The following MACROD1 variants were observed in gnomAD, a reference collection of about 807,000 sequenced individuals.
MACROD1 encodes the protein ADP-ribose glycohydrolase MACROD1.
A neutral mutation model predicts 41.4 loss-of-function variants in MACROD1; 31 were observed. The ratio of observed to expected loss-of-function variants is 0.75; its 90% CI spans 0.56 to 1.01. The LOEUF is 1.01. Among genes scored for constraint, MACROD1 ranks in the 50% least tolerant of loss-of-function variants. MACROD1 has a pLI of 0.00. For synonymous variants in MACROD1, 252 were observed against 203.4 expected (o/e 1.24, Z -2.03); for missense variants, 473 against 460.0 (o/e 1.03, Z -0.26).
intron 3 of MACROD1, chr11:64,117,485 G>A (rs757219781): frequency 6.2e-7 from 1 of 1,612,326 alleles, no homozygotes. Context: ...CCACGCCCCA[G>A]GGTTCCCTGT....
chr11:64,128,721 G>C (rs1255622049), intron 3 of MACROD1, among the ~76,000 whole-genome samples: 4 of 151,844 alleles, frequency 2.6e-5, no homozygotes. Flanking sequence ...TCAGGTCTAT[G>C]CTGCACTGGT....
chr11:64,166,094 CAGCCAGCGGCGACCTGCTCGG>C (rs1472198359), exon 1 of MACROD1: 7 of 1,204,938 alleles, frequency 5.8e-6, no homozygotes, highest in Non-Finnish European at 7.3e-6. Flanking sequence ...TGGCGACTGC[CAGCCAGCGGCGACCTGCTCGG>C]AGCCAGCGGG....
intron 3 of MACROD1, among the ~76,000 whole-genome samples, chr11:64,039,420 C>CGG (rs1009945775): frequency 2.0e-5 from 3 of 152,088 alleles, no homozygotes; most frequent in African/African-American, 7.2e-5. Flanking sequence ...CGGGTGGTAG[C>CGG]GGGGGGTCCC....
intron 3 of MACROD1, among the ~76,000 whole-genome samples, chr11:64,099,473 GATGA>G (rs1486922261): frequency 6.6e-6 from 1 of 152,314 alleles, no homozygotes; most frequent in East Asian, 1.9e-4. Flanking sequence ...GAGAGAAATG[GATGA>G]ATGGAGAGAC....
At chr11:64,003,618 C>T (rs990571059) in intron 4 of MACROD1, among the ~76,000 whole-genome samples, 8 of 152,166 alleles carry the variant, frequency 5.3e-5, no homozygotes, top group Admixed American at 2.0e-4. Flanking sequence ...TAAGCACCTG[C>T]GTGGTGATTT....
At chr11:64,113,447 T>TGGAC (rs1277175878) in intron 3 of MACROD1, among the ~76,000 whole-genome samples, 5 of 145,842 alleles carry the variant, frequency 3.4e-5, no homozygotes, top group Non-Finnish European at 7.7e-5. Flanking sequence ...GATGGATGGA[T>TGGAC]GGACAGGTGG....
chr11:64,130,296 G>A (rs1945246997), intron 3 of MACROD1, among the ~76,000 whole-genome samples: 1 of 152,174 alleles, frequency 6.6e-6, no homozygotes, highest in Non-Finnish European at 1.5e-5. Context: ...CGTCTGTTTT[G>A]TCAGACTCAG....
At chr11:64,057,897 C>T (rs1943820106) in intron 3 of MACROD1, among the ~76,000 whole-genome samples, 1 of 152,230 alleles carries the variant, frequency 6.6e-6, no homozygotes, top group African/African-American at 2.4e-5. Flanking sequence ...GATTTGAACT[C>T]ATGTGGGTGC....
intron 1 of MACROD1, among the ~76,000 whole-genome samples, chr11:64,154,472 G>A (rs995798966): frequency 3.3e-5 from 5 of 151,884 alleles, no homozygotes; most frequent in African/African-American, 9.7e-5. Context: ...GCTGATCTCC[G>A]TGTGCATCTC....
intron 4 of MACROD1, among the ~76,000 whole-genome samples, chr11:64,005,352 CGTACAGAA>C (rs1942893547): frequency 6.6e-6 from 1 of 152,240 alleles, no homozygotes; most frequent in Non-Finnish European, 1.5e-5. Flanking sequence ...TAACCCTCAT[CGTACAGAA>C]GTAGTGATAG....
intron 3 of MACROD1, among the ~76,000 whole-genome samples, chr11:64,058,574 T>C (rs1321811803): frequency 6.6e-6 from 1 of 151,460 alleles, no homozygotes; most frequent in Non-Finnish European, 1.5e-5. Flanking sequence ...GAAGAGGGGG[T>C]GGTGGAGGAG....
intron 3 of MACROD1, among the ~76,000 whole-genome samples, chr11:64,032,825 A>G (rs1232030554): frequency 6.6e-6 from 1 of 151,524 alleles, no homozygotes; most frequent in East Asian, 1.9e-4. Flanking sequence ...CTGGAATGAC[A>G]CTCCCTCGTG....
intron 3 of MACROD1, among the ~76,000 whole-genome samples, chr11:64,123,806 G>C (rs1414969632): frequency 6.6e-6 from 1 of 152,112 alleles, no homozygotes; most frequent in Admixed American, 6.5e-5. Flanking sequence ...AAGGGGAGTG[G>C]GTAAAGGGAA....
Position 64,011,635 on chromosome 11 carries a change from C to G in MACROD1, c.547+3617G>C, listed in dbSNP as rs1943018038. Among the ~76,000 whole-genome samples, 3 of 151,970 alleles carry G rather than the reference C, an allele frequency of 2.0e-5. No homozygotes were observed. The South Asian group carries it at 6.2e-4, about 31-fold the overall frequency. ...GGCAATGAAGAACAAACACAAAACG[C>G]AAGCAGGGAATCAGGGCTGCGGGAC... On this transcript the variant is annotated intron_variant, in intron 4 of 10. Coordinates refer to ENST00000255681, the MANE Select transcript of MACROD1 (RefSeq NM_014067.4).
At chr11:64,139,882 G>T (rs920307361) in intron 3 of MACROD1, among the ~76,000 whole-genome samples, 8 of 151,816 alleles carry the variant, frequency 5.3e-5, no homozygotes, top group Non-Finnish European at 1.2e-4. Flanking sequence ...CATGAACCTG[G>T]GAGGCGAAGC....
chr11:64,011,851 G>A (rs1188224523), intron 4 of MACROD1, among the ~76,000 whole-genome samples: 1 of 152,062 alleles, frequency 6.6e-6, no homozygotes, highest in Middle Eastern at 3.2e-3. Flanking sequence ...AGTCAGATGG[G>A]GTCTAACTTG....
In MACROD1 at chr11:64,096,820, C is replaced by T. The variant is rs571629606; in HGVS notation, c.517+54419G>A. Among the ~76,000 whole-genome samples the T allele has an allele frequency of 1.8e-3, 271 of 152,320 alleles. 2 individuals are homozygous for T. Among genetic ancestry groups the T allele is most frequent in the African/African-American group, 6.0e-3 (249 of 41,580 alleles). On this transcript the variant is annotated intron_variant, in intron 3 of 10. Transcript: ENST00000255681. The surrounding 1 kb of genome is among the most constrained non-coding windows in gnomAD (Gnocchi z 4.6). ...GCAGGCCTGTGGGGGGCTGCCGTGTCCCCATACCCTCCAAGCACACTGCCA... is the reference window on the plus strand; with the variant it reads ...GCAGGCCTGTGGGGGGCTGCCGTGTTCCCATACCCTCCAAGCACACTGCCA...
chr11:64,161,202 G>C (rs921959989), intron 1 of MACROD1, among the ~76,000 whole-genome samples: 2 of 152,092 alleles, frequency 1.3e-5, no homozygotes, highest in African/African-American at 2.4e-5. Context: ...CAACAAAAGA[G>C]TGGGAAACAA....
chr11:64,147,696 T>A (rs1489512868), intron 3 of MACROD1, among the ~76,000 whole-genome samples: 2 of 151,652 alleles, frequency 1.3e-5, no homozygotes, highest in Admixed American at 6.6e-5. Flanking sequence ...AGTTCTGGGA[T>A]TACAGGTGTG....
Sources: gnomAD v4.1 joint callset for allele counts (sites outside exome capture counted in the v4.1 genomes callset) on GRCh38, gnomAD v4.1.1 for gene constraint, Gnocchi (gnomAD v3.1) non-coding constraint, MANE v1.5 for transcripts, NCBI Gene and HGNC (gene_info 2026-07-23, HGNC 2026-07-21) for gene names.